The following SLC1A7 variants were observed in gnomAD, a reference collection of about 807,000 sequenced individuals.
The protein encoded by SLC1A7 is excitatory amino acid transporter 5.
SLC1A7 carries 40 observed loss-of-function variants against 47.7 expected under a neutral mutation model. The ratio of observed to expected loss-of-function variants is 0.84; its 90% CI spans 0.65 to 1.09. SLC1A7 has a LOEUF of 1.09. Among genes scored for constraint, SLC1A7 ranks in the 50% least tolerant of loss-of-function variants. SLC1A7 has a pLI of 0.00. For missense variants in SLC1A7, 746 were observed against 769.5 expected (o/e 0.97, Z 0.36); for synonymous variants, 323 against 325.6 (o/e 0.99, Z 0.09).
At chr1:53,118,941 G>A (rs546001858) in intron 2 of SLC1A7, among the ~76,000 whole-genome samples, 1 of 152,336 alleles carries the variant, frequency 6.6e-6, no homozygotes, top group East Asian at 1.9e-4. Flanking sequence ...AGGTTGCAGT[G>A]AGCTGAGGCC....
Position 53,133,902 on chromosome 1 carries a change from C to T in SLC1A7, c.215+448G>A, listed in dbSNP as rs75233014. ...ACCCTTCGAAGTAGGTGTTGTTATT[C>T]CCATTTTACAGATGAGGAAACTGAG... On this transcript the variant is annotated intron_variant, in intron 2 of 10. Coordinates refer to ENST00000371494, the MANE Select transcript of SLC1A7 (RefSeq NM_006671.6). 5.6e-3 allele frequency among the ~76,000 whole-genome samples: 854 copies of T among 152,222 alleles called. 19 individuals carry two copies. The East Asian group carries it at 0.069, about 12-fold the overall frequency.
In SLC1A7 at chr1:53,087,703, T is replaced by A. The variant is rs1644374487; in HGVS notation, c.*306A>T. ...TTTTCAGCTCTCAGAGCCTCAAGTC[T>A]GTCATCCAGAAAGTGGGGCCGGATA... is the stretch of plus-strand genomic sequence containing the variant. On this transcript the variant is annotated 3_prime_UTR_variant, in exon 11 of 11. Coordinates refer to ENST00000371494, the MANE Select transcript of SLC1A7 (RefSeq NM_006671.6). 1.6e-5 allele frequency: 4 copies of A among 248,472 alleles called. No individual in the cohort carries two copies. Among genetic ancestry groups the A allele is most frequent in the Non-Finnish European group, 2.3e-5 (3 of 129,472 alleles). The allele number at this position is 248,472 out of a possible 1,614,324, so 15.4% of individuals were successfully genotyped here.
At chr1:53,104,552 C>A (rs563932608) in intron 4 of SLC1A7, among the ~76,000 whole-genome samples, 2 of 152,302 alleles carry the variant, frequency 1.3e-5, no homozygotes, top group South Asian at 4.1e-4. Flanking sequence ...CAGAGTAGAG[C>A]AACATTCTTT....
intron 8 of SLC1A7, 49 bp from the exon 9 acceptor site, chr1:53,089,983 A>T (rs765926345): frequency 6.2e-7 from 1 of 1,604,704 alleles, no homozygotes; most frequent in Non-Finnish European, 8.5e-7. Context: ...GGCAGGGTGC[A>T]TTGTCAGGGT....
At chr1:53,095,916 TCGGTACACTCACACAAAC>T (rs1644482976) in intron 5 of SLC1A7, among the ~76,000 whole-genome samples, 1 of 148,160 alleles carries the variant, frequency 6.7e-6, no homozygotes, top group Admixed American at 6.7e-5. Context: ...ACAACCCGCC[TCGGTACACTCACACAAAC>T]TGCCTTGGTA....
intron 3 of SLC1A7, among the ~76,000 whole-genome samples, chr1:53,114,334 A>T (rs1644731699): frequency 6.6e-6 from 1 of 152,206 alleles, no homozygotes; most frequent in Non-Finnish European, 1.5e-5. Context: ...CCTTGGAGTC[A>T]GACAGGACTA....
chr1:53,111,331 G>T (rs1439001694), intron 3 of SLC1A7, among the ~76,000 whole-genome samples: 2 of 152,174 alleles, frequency 1.3e-5, no homozygotes, highest in East Asian at 1.9e-4. Flanking sequence ...GGGAGAGTTG[G>T]GGCGGAGGTC....
At chr1:53,137,291 A>AG (rs1645011662) in intron 1 of SLC1A7, among the ~76,000 whole-genome samples, 5 of 150,088 alleles carry the variant, frequency 3.3e-5, no homozygotes, top group Non-Finnish European at 5.9e-5. Context: ...TATCTCCAAA[A>AG]AAAAAAAAGT....
Position 53,090,721 on chromosome 1 carries a change from C to T in SLC1A7, c.1117G>A (p.Gly373Ser). ...RRIARFVLPV[G>S]ATINMDGTAL... ...GTGCCGTCCATGTTGATGGTGGCAC[C>T]CACGGGCAGCACGAAGCGAGCGATG... is the stretch of plus-strand genomic sequence containing the variant. Residue 373 changes from glycine (G) to serine (S), a missense_variant, in exon 8 of 11, where the codon GGT (glycine) becomes AGT (serine). Gly to Ser is a moderately conservative substitution (Grantham distance 56). Coordinates refer to ENST00000371494, the MANE Select transcript of SLC1A7 (RefSeq NM_006671.6). 1 of 1,614,032 alleles carries T rather than the reference C, an allele frequency of 6.2e-7. No individual in the cohort carries two copies. Among genetic ancestry groups the T allele is most frequent in the Non-Finnish European group, 8.5e-7 (1 of 1,179,974 alleles).
intron 3 of SLC1A7, among the ~76,000 whole-genome samples, chr1:53,109,053 G>A (rs1310262598): frequency 2.0e-5 from 3 of 152,184 alleles, no homozygotes; most frequent in South Asian, 2.1e-4. Flanking sequence ...GCCTGGGGAC[G>A]TTAATAGCCA....
intron 10 of SLC1A7, 60 bp downstream of exon 10, chr1:53,088,817 G>T: frequency 7.4e-7 from 1 of 1,349,056 alleles, no homozygotes; most frequent in Non-Finnish European, 1.1e-6. Context: ...AAGATCTGGT[G>T]CCCTGCCCAC....
intron 8 of SLC1A7, 25 bp downstream of exon 8, chr1:53,090,587 A>C: frequency 6.5e-7 from 1 of 1,546,620 alleles, no homozygotes; most frequent in Non-Finnish European, 8.8e-7. Flanking sequence ...CGCCCCATCC[A>C]CCCAGGTGCA....
intron 2 of SLC1A7, among the ~76,000 whole-genome samples, chr1:53,124,278 A>G (rs1644858066): frequency 1.3e-5 from 2 of 150,702 alleles, no homozygotes. Context: ...ACACACACAC[A>G]CACACACACA....
chr1:53,128,550 C>T lies in SLC1A7; in HGVS notation c.215+5800G>A, dbSNP rs1035857270. Among the ~76,000 whole-genome samples the T allele has an allele frequency of 2.7e-4, 38 of 143,016 alleles. 5 individuals are homozygous for T. In the Admixed American group the frequency reaches 2.7e-3, roughly 10 times the overall value. 93.8% of individuals were successfully genotyped at this position (143,016 alleles called of 152,430 possible). A position where few individuals can be genotyped will look rare whatever the true frequency, so the allele number is the denominator to read the frequency against. On this transcript the variant is annotated intron_variant, in intron 2 of 10. Coordinates refer to ENST00000371494, the MANE Select transcript of SLC1A7 (RefSeq NM_006671.6). ...GACTGTCATGGCGCAAGGAATGGCT[C>T]TGGGTGCCAGGTGAGTGCATCATGG...
At chr1:53,095,424 C>T (rs1644474456) in intron 5 of SLC1A7, among the ~76,000 whole-genome samples, 1 of 151,670 alleles carries the variant, frequency 6.6e-6, no homozygotes, top group East Asian at 1.9e-4. Context: ...CACTCACACA[C>T]CCTGCCTTGG....
chr1:53,092,412 A>G (rs910549414), intron 7 of SLC1A7, 142 bp downstream of exon 7: 2 of 670,382 alleles, frequency 3.0e-6, no homozygotes, highest in Non-Finnish European at 5.2e-6. Flanking sequence ...TTGTTACCCC[A>G]GCACCAGCCG....
chr1:53,115,016 G>A (rs1644742716), intron 2 of SLC1A7, 43 bp from the exon 3 acceptor site: 2 of 1,506,204 alleles, frequency 1.3e-6, no homozygotes, highest in Non-Finnish European at 1.8e-6. Context: ...GGGAGGCCAG[G>A]GCCTGGCTGG....
chr1:53,117,034 G>C (rs909258244), intron 2 of SLC1A7, among the ~76,000 whole-genome samples: 3 of 152,236 alleles, frequency 2.0e-5, no homozygotes, highest in South Asian at 4.1e-4. Context: ...GCGGGGACAA[G>C]GAAATGCTGT....
intron 3 of SLC1A7, among the ~76,000 whole-genome samples, chr1:53,109,781 C>T (rs1248836709): frequency 1.3e-5 from 2 of 152,178 alleles, no homozygotes; most frequent in Admixed American, 6.5e-5. Context: ...GCTGTCAGTG[C>T]ACCCACTTGT....
Sources: allele counts gnomAD v4.1 joint callset (sites outside exome capture counted in the v4.1 genomes callset), GRCh38; gene constraint gnomAD v4.1.1; transcripts MANE v1.5; gene names NCBI Gene and HGNC (gene_info 2026-07-23, HGNC 2026-07-21).